PFKFB3: variants seen among roughly 807,000 people sequenced by gnomAD.
The protein encoded by PFKFB3 is 6-phosphofructo-2-kinase/fructose-2,6-biphosphatase 3.
PFKFB3 carries 33 observed loss-of-function variants against 68.0 expected under a neutral mutation model. The ratio of observed to expected loss-of-function variants is 0.49; its 90% CI spans 0.37 to 0.65. The LOEUF (loss-of-function observed/expected upper bound fraction) is 0.65, where lower values mean the gene tolerates loss of function less well. Ranked by LOEUF, PFKFB3 falls within the 30% of genes least tolerant of loss-of-function variation. The pLI is 0.00. For missense variants in PFKFB3, 586 were observed against 712.2 expected (o/e 0.82, Z 2.02); for synonymous variants, 315 against 288.2 (o/e 1.09, Z -0.94).
intron 1 of PFKFB3, among the ~76,000 whole-genome samples, chr10:6,179,418 CAG>C (rs1289856159): frequency 5.3e-5 from 8 of 152,364 alleles, no homozygotes; most frequent in African/African-American, 1.9e-4. Flanking sequence ...GATCATTAAT[CAG>C]TTAACAGCTT....
chr10:6,230,060 C>T (rs1845640935), intron 14 of PFKFB3, among the ~76,000 whole-genome samples: 2 of 152,190 alleles, frequency 1.3e-5, no homozygotes, highest in Non-Finnish European at 2.9e-5. Context: ...GGAAAGAAAT[C>T]TTTCTACTGG....
At chr10:6,184,911 T>A (rs888582054) in intron 1 of PFKFB3, among the ~76,000 whole-genome samples, 2 of 151,808 alleles carry the variant, frequency 1.3e-5, no homozygotes, top group Non-Finnish European at 1.5e-5. Flanking sequence ...CCGGCCTTCC[T>A]CATGGCTCTT....
downstream of PFKFB3, among the ~76,000 whole-genome samples, chr10:6,239,175 C>T (rs989011248): frequency 6.6e-6 from 1 of 152,126 alleles, no homozygotes; most frequent in Non-Finnish European, 1.5e-5. Flanking sequence ...TGAAACACGC[C>T]TGACAGTTCC....
chr10:6,291,137 G>A, the PFKFB3 span, among the ~76,000 whole-genome samples: 4 of 152,196 alleles, frequency 2.6e-5, no homozygotes, highest in Non-Finnish European at 2.9e-5. Context: ...GAGGAATCAG[G>A]AAGTGCAACA....
chr10:6,229,626 T>C lies in PFKFB3; in HGVS notation c.1515+3261T>C, dbSNP rs571208115. 6.6e-6 allele frequency among the ~76,000 whole-genome samples: 1 copy of C among 152,300 alleles called. No individual in the cohort carries two copies. The highest frequency in any genetic ancestry group is 2.4e-5 in the African/African-American group (1 of 41,562). On this transcript the variant is annotated intron_variant, in intron 14 of 14. Transcript: ENST00000379775. This position sits in a 1 kb window ranked among gnomAD's most constrained non-coding sequence, Gnocchi z 4.3. ...ACCCTCCATCCTCAGGGCCAGTGTC[T>C]GTGATGCGCGGGGCCAGCGTGCAGT...
At chr10:6,281,019 A>T in the PFKFB3 span, among the ~76,000 whole-genome samples, 1 of 150,380 alleles carries the variant, frequency 6.6e-6, no homozygotes, top group Non-Finnish European at 1.5e-5. Flanking sequence ...GCATCCTCAT[A>T]GCTTAGCTCC....
upstream of PFKFB3, among the ~76,000 whole-genome samples, chr10:6,201,253 TG>T (rs1843339091): frequency 6.6e-6 from 1 of 150,964 alleles, no homozygotes; most frequent in Admixed American, 6.6e-5. This position sits in a 1 kb window ranked among gnomAD's most constrained non-coding sequence, Gnocchi z 4.1. Flanking sequence ...AGGAGTGGAG[TG>T]GGACTCTCCC....
intron 1 of PFKFB3, among the ~76,000 whole-genome samples, chr10:6,186,254 T>C (rs1054797325): frequency 6.6e-6 from 1 of 152,254 alleles, no homozygotes; most frequent in African/African-American, 2.4e-5. Flanking sequence ...AACTGGATAC[T>C]GGACCAGCAG....
intron 1 of PFKFB3, among the ~76,000 whole-genome samples, chr10:6,183,617 ATATAT>A (rs1564604098): frequency 1.2e-3 from 86 of 68,842 alleles, no homozygotes; most frequent in African/African-American, 3.1e-3. Context: ...AAAAAAAAAT[ATATAT>A]ATATATATAT....
intron 1 of PFKFB3, among the ~76,000 whole-genome samples, chr10:6,173,561 A>G (rs1842373850): frequency 6.6e-6 from 1 of 152,102 alleles, no homozygotes. Flanking sequence ...GCAGACAAGT[A>G]TTTGAGGTAG....
At position 6,228,079 on chromosome 10, in the gene PFKFB3, G is replaced by C. The variant is rs11257430; in HGVS notation, c.1515+1714G>C. 1.8e-6 allele frequency: 2 copies of C among 1,114,172 alleles called. No homozygotes were observed. Among genetic ancestry groups the C allele is most frequent in the African/African-American group, 1.5e-5 (1 of 65,122 alleles). 69.0% of individuals were successfully genotyped at this position (1,114,172 alleles called of 1,614,324 possible). A position where few individuals can be genotyped will look rare whatever the true frequency, so the allele number is the denominator to read the frequency against. On this transcript the variant is annotated intron_variant, in intron 14 of 14. Coordinates refer to ENST00000379775, the MANE Select transcript of PFKFB3 (RefSeq NM_004566.4). This position sits in a 1 kb window ranked among gnomAD's most constrained non-coding sequence, Gnocchi z 4.5. ...GGAGGACAGTCCTTCAGGGTGGCCA[G>C]GTTCTTAGGGACGTCTGAAGCTGCT...
At chr10:6,309,665 T>G in the PFKFB3 span, among the ~76,000 whole-genome samples, 1 of 151,942 alleles carries the variant, frequency 6.6e-6, no homozygotes, top group Non-Finnish European at 1.5e-5. Context: ...AGTATTATAA[T>G]TTTTTTAAAG....
chr10:6,167,735 A>T (rs1485754282), intron 1 of PFKFB3, among the ~76,000 whole-genome samples: 1 of 152,214 alleles, frequency 6.6e-6, no homozygotes, highest in African/African-American at 2.4e-5. Flanking sequence ...GAGCTCCAGA[A>T]GATGTCTCTG....
At chr10:6,160,570 T>C (rs1055507312) in intron 1 of PFKFB3, among the ~76,000 whole-genome samples, 3 of 151,980 alleles carry the variant, frequency 2.0e-5, no homozygotes, top group African/African-American at 7.3e-5. Flanking sequence ...ACAAAAAAAT[T>C]AGCTGGGCAT....
At chr10:6,319,109 C>T in the PFKFB3 span, among the ~76,000 whole-genome samples, 1 of 152,284 alleles carries the variant, frequency 6.6e-6, no homozygotes. Flanking sequence ...CAGCAGTAAA[C>T]AAAATGAACT....
At position 6,222,881 on chromosome 10, in the gene PFKFB3, G is replaced by A. The variant is rs756041065; in HGVS notation, c.1110G>A (p.Leu370=). Reference sequence around the variant, plus strand: ...CCTACCAGGACCTGGTCCAGCGCTTGGAGCCAGTGATCATGGAGCTGGAGC... The same window carrying A: ...CCTACCAGGACCTGGTCCAGCGCTTAGAGCCAGTGATCATGGAGCTGGAGC... The part of the protein sequence containing the change: ...GESYQDLVQR[L]EPVIMELERQ... Residue 370 remains leucine, a synonymous_variant, in exon 11 of 15, where the codon TTG becomes TTA. Coordinates refer to ENST00000379775, the MANE Select transcript of PFKFB3 (RefSeq NM_004566.4). The A allele has an allele frequency of 2.5e-6, 4 of 1,613,906 alleles. No homozygotes were observed. The East Asian group carries it at 8.9e-5, about 36-fold the overall frequency.
chr10:6,207,757 T>C (rs942012950), intron 1 of PFKFB3, among the ~76,000 whole-genome samples: 14 of 152,250 alleles, frequency 9.2e-5, no homozygotes, highest in Non-Finnish European at 4.4e-5. Flanking sequence ...TGATGGTAAA[T>C]GCTTCTTACA....
At chr10:6,230,093 C>T (rs891408032) in intron 14 of PFKFB3, among the ~76,000 whole-genome samples, 2 of 152,122 alleles carry the variant, frequency 1.3e-5, no homozygotes, top group Non-Finnish European at 2.9e-5. Context: ...GGGGATAGTC[C>T]CCCACCCGCT....
chr10:6,325,193 G>C, the PFKFB3 span, among the ~76,000 whole-genome samples: 1 of 152,072 alleles, frequency 6.6e-6, no homozygotes, highest in African/African-American at 2.4e-5. Context: ...CAAACTCCTG[G>C]ACCCAAGCAA....
Sources: allele counts gnomAD v4.1 joint callset (sites outside exome capture counted in the v4.1 genomes callset), GRCh38; gene constraint gnomAD v4.1.1; non-coding constraint Gnocchi (gnomAD v3.1); transcripts MANE v1.5; gene names NCBI Gene and HGNC (gene_info 2026-07-23, HGNC 2026-07-21).